PPP2R2D: variants seen among roughly 807,000 people sequenced by gnomAD.
The protein encoded by PPP2R2D is serine/threonine-protein phosphatase 2A 55 kDa regulatory subunit B delta isoform.
PPP2R2D carries 9 observed loss-of-function variants against 31.1 expected under a neutral mutation model. That is an observed-to-expected ratio of 0.29 (90% CI 0.17 to 0.51). PPP2R2D has a LOEUF of 0.51. Among genes scored for constraint, PPP2R2D ranks in the 20% least tolerant of loss-of-function variants. The pLI, the probability that PPP2R2D is intolerant of heterozygous loss-of-function variation, is 0.98. For missense variants in PPP2R2D, 391 were observed against 465.6 expected, an observed-to-expected ratio of 0.84 and a Z score of 1.48; for synonymous variants, 179 against 172.6, an observed-to-expected ratio of 1.04 and a Z score of -0.29.
In PPP2R2D at chr10:131,959,316, A is replaced by C. The variant is rs60664382; in HGVS notation, c.*3353A>C. 8.6e-6 allele frequency: 1 copy of C among 115,864 alleles called. No individual in the cohort carries two copies. 7.2% of individuals were successfully genotyped at this position (115,864 alleles called of 1,614,324 possible). On this transcript the variant is annotated 3_prime_UTR_variant, in exon 9 of 9. Coordinates refer to ENST00000455566, the MANE Select transcript of PPP2R2D (RefSeq NM_018461.5). ...AGATGAAGGCGTGTGCTGATCCGCC[A>C]TCCCCCTGTGGAGATGAAGGCGTGT...
chr10:131,945,655 T>TACAA lies in PPP2R2D; in HGVS notation c.820+196_820+197insACAA. 3.2e-6 allele frequency: 2 copies of TACAA among 629,638 alleles called. No individual in the cohort carries two copies. Among genetic ancestry groups the TACAA allele is most frequent in the Non-Finnish European group, 5.3e-6 (2 of 374,194 alleles). The allele number at this position is 629,638 out of a possible 1,614,324, so 39.0% of individuals were successfully genotyped here. A position where few individuals can be genotyped will look rare whatever the true frequency, so the allele number is the denominator to read the frequency against. On this transcript the variant is annotated intron_variant, in intron 7 of 8. Transcript: ENST00000455566. The surrounding 1 kb of genome is among the most constrained non-coding windows in gnomAD (Gnocchi z 4.8). ...TTGTATTTTTAGTACAGACAGGGTT[T>TACAA]CACCATGTTGACCAGACTGGTCTGA...
At chr10:131,916,602 A>C (rs1381863987) in intron 2 of PPP2R2D, among the ~76,000 whole-genome samples, 1 of 152,130 alleles carries the variant, frequency 6.6e-6, no homozygotes, top group African/African-American at 2.4e-5. Context: ...TGCCCAGTCT[A>C]GGGACCTCAG....
chr10:131,963,932 G>C (rs1237766360), downstream of PPP2R2D, among the ~76,000 whole-genome samples: 1 of 152,132 alleles, frequency 6.6e-6, no homozygotes, highest in Admixed American at 6.6e-5. Context: ...ACGAGTGTCG[G>C]TTTTTCCTGT....
At chr10:131,932,482 C>T (rs2036253693) in intron 2 of PPP2R2D, among the ~76,000 whole-genome samples, 1 of 151,988 alleles carries the variant, frequency 6.6e-6, no homozygotes, top group South Asian at 2.1e-4. Flanking sequence ...TTCTGGTCAA[C>T]ATGGCAAAAC....
rs188298448 is a variant in PPP2R2D, at chr10:131,948,841, G to A, written c.1082+1050G>A. 2.3e-3 allele frequency among the ~76,000 whole-genome samples: 348 copies of A among 152,338 alleles called. 3 individuals carry two copies. Among genetic ancestry groups the A allele is most frequent in the Admixed American group, 5.7e-3 (87 of 15,310 alleles). ...CCACACGAGGTGTAGAGTTGGAACA[G>A]GGACCCCTGAAGATGGTGTCTCCCT... On this transcript the variant is annotated intron_variant, in intron 8 of 8. Transcript: ENST00000455566.
intron 2 of PPP2R2D, among the ~76,000 whole-genome samples, chr10:131,930,569 T>C (rs185644559): frequency 6.6e-6 from 1 of 152,248 alleles, no homozygotes; most frequent in Non-Finnish European, 1.5e-5. Context: ...GGTTGAAAAT[T>C]GTTTTCTCCC....
intron 2 of PPP2R2D, among the ~76,000 whole-genome samples, chr10:131,917,465 G>T (rs1355817709): frequency 2.3e-4 from 30 of 132,054 alleles, no homozygotes; most frequent in African/African-American, 6.2e-4. Flanking sequence ...GGGACCTCAG[G>T]CGGGTGGAAT....
the PPP2R2D span, chr10:131,968,636 A>G: frequency 7.0e-7 from 1 of 1,420,602 alleles, no homozygotes; most frequent in South Asian, 1.2e-5. Flanking sequence ...TACAGCTGAA[A>G]CAGGGTAGCT....
intron 3 of PPP2R2D, chr10:131,934,855 C>T (rs913148384): frequency 4.1e-5 from 20 of 482,342 alleles, no homozygotes; most frequent in Admixed American, 1.6e-4. Flanking sequence ...TAAGAACTCA[C>T]GCGGCTCTCT....
At chr10:131,935,124 C>T (rs1236946613) in intron 3 of PPP2R2D, 6 of 358,750 alleles carry the variant, frequency 1.7e-5, no homozygotes, top group South Asian at 4.1e-5. Context: ...ACTGGCTTCC[C>T]GGTCACGGCA....
the PPP2R2D span, chr10:131,968,323 T>C: frequency 2.1e-6 from 1 of 481,750 alleles, no homozygotes; most frequent in Non-Finnish European, 3.7e-6. Context: ...TCTGACATGC[T>C]TATTGATCCC....
chr10:131,965,531 C>T, the PPP2R2D span, among the ~76,000 whole-genome samples: 1 of 152,172 alleles, frequency 6.6e-6, no homozygotes, highest in African/African-American at 2.4e-5. Flanking sequence ...CTCACTGCAA[C>T]CTCCACCTCC....
intron 8 of PPP2R2D, among the ~76,000 whole-genome samples, chr10:131,952,020 TGCGG>T: frequency 1.3e-5 from 2 of 149,982 alleles, no homozygotes; most frequent in African/African-American, 5.0e-5. Flanking sequence ...AGCAGTGACT[TGCGG>T]GTGTGCAGGG....
chr10:131,950,730 C>G (rs1001848147), intron 8 of PPP2R2D, among the ~76,000 whole-genome samples: 21 of 152,140 alleles, frequency 1.4e-4, no homozygotes, highest in Non-Finnish European at 2.2e-4. Flanking sequence ...CTCTGAAGCT[C>G]TGCCACCTGG....
At chr10:131,931,013 G>A (rs1388946703) in intron 2 of PPP2R2D, among the ~76,000 whole-genome samples, 2 of 152,020 alleles carry the variant, frequency 1.3e-5, no homozygotes, top group African/African-American at 4.8e-5. Context: ...TCCTCTCCTG[G>A]GGGCCCCACT....
chr10:131,937,520 A>G (rs79676789), intron 3 of PPP2R2D, among the ~76,000 whole-genome samples: 3,188 of 151,844 alleles, frequency 0.021, 78 homozygotes, highest in African/African-American at 0.063. Flanking sequence ...GCGGCACTCC[A>G]TGAGATCTGG....
chr10:131,957,295 G>A lies in PPP2R2D; in HGVS notation c.*1332G>A, dbSNP rs2036817939. 1 of 168,554 alleles carries A rather than the reference G, an allele frequency of 5.9e-6. No individual in the cohort carries two copies. The highest frequency in any genetic ancestry group is 1.3e-5 in the Non-Finnish European group (1 of 78,044). The allele number at this position is 168,554 out of a possible 1,614,324, so 10.4% of individuals were successfully genotyped here. A position where few individuals can be genotyped will look rare whatever the true frequency, so the allele number is the denominator to read the frequency against. ...TGCTGATCGCCCGTCACCCTGTCTA[G>A]ATGAAGGTATGTGCTGATTGCCTGT... On this transcript the variant is annotated 3_prime_UTR_variant, in exon 9 of 9. Transcript: ENST00000455566.
intron 2 of PPP2R2D, among the ~76,000 whole-genome samples, chr10:131,916,715 C>A (rs532671614): frequency 2.0e-3 from 288 of 144,212 alleles, no homozygotes; most frequent in Non-Finnish European, 3.5e-3. Context: ...TTTGTAGGGA[C>A]CTCAGGCAGG....
chr10:131,958,746 G>A lies in PPP2R2D; in HGVS notation c.*2783G>A. On this transcript the variant is annotated 3_prime_UTR_variant, in exon 9 of 9. Coordinates refer to ENST00000455566, the MANE Select transcript of PPP2R2D (RefSeq NM_018461.5). The stretch of plus-strand genomic sequence containing the variant: ...CTCGTGCCCCTGTGGAGATGGAGGT[G>A]TGTGCTGGTCCCCCGTCCCCCTGTG... The A allele has an allele frequency of 3.6e-6, 1 of 281,228 alleles. No individual in the cohort carries two copies. The highest frequency in any genetic ancestry group is 6.8e-6 in the Non-Finnish European group (1 of 147,074). The allele number at this position is 281,228 out of a possible 1,614,324, so 17.4% of individuals were successfully genotyped here. A position where few individuals can be genotyped will look rare whatever the true frequency, so the allele number is the denominator to read the frequency against.
Sources: gnomAD v4.1 joint callset for allele counts (sites outside exome capture counted in the v4.1 genomes callset) on GRCh38, gnomAD v4.1.1 for gene constraint, Gnocchi (gnomAD v3.1) non-coding constraint, MANE v1.5 for transcripts, NCBI Gene and HGNC (gene_info 2026-07-23, HGNC 2026-07-21) for gene names.